Variants in C1orf116 observed in about 807,000 individuals in gnomAD.
C1orf116 encodes the protein specifically androgen-regulated gene protein.
Under a neutral mutation model 14.1 loss-of-function variants are expected in C1orf116, and 12 were observed. The ratio of observed to expected loss-of-function variants is 0.85; its 90% CI spans 0.54 to 1.38. The LOEUF (loss-of-function observed/expected upper bound fraction) is 1.38, where lower values mean the gene tolerates loss of function less well. C1orf116 is among the 40% of genes most tolerant of loss of function. C1orf116 has a pLI of 0.00. For missense variants in C1orf116, 797 were observed against 747.0 expected (o/e 1.07, Z -0.78); for synonymous variants, 296 against 299.0 (o/e 0.99, Z 0.10).
intron 2 of C1orf116, among the ~76,000 whole-genome samples, chr1:207,027,119 G>T (rs1449605357): frequency 6.6e-6 from 1 of 152,166 alleles, no homozygotes; most frequent in South Asian, 2.1e-4. Context: ...TTTGATCTTT[G>T]TAAGAGACTA....
At chr1:207,027,713 C>T (rs187564060) in intron 1 of C1orf116, 34 bp from the exon 2 acceptor site, 26 of 1,490,472 alleles carry the variant, frequency 1.7e-5, no homozygotes, top group Middle Eastern at 3.6e-4. Context: ...ACACATGAGC[C>T]GAGGCTTCGG....
chr1:207,032,394 T>C (rs1223061051), intron 1 of C1orf116, among the ~76,000 whole-genome samples, 185 bp downstream of exon 1: 2 of 152,130 alleles, frequency 1.3e-5, no homozygotes, highest in African/African-American at 2.4e-5. Context: ...ACAAAAACAC[T>C]ACAATCTCAA....
intron 1 of C1orf116, among the ~76,000 whole-genome samples, chr1:207,032,208 C>T (rs1055651548): frequency 6.6e-6 from 1 of 152,216 alleles, no homozygotes; most frequent in Non-Finnish European, 1.5e-5. Flanking sequence ...TACTCTCCCC[C>T]ATTTTGACTC....
intron 1 of C1orf116, among the ~76,000 whole-genome samples, chr1:207,028,611 T>C (rs1682152398): frequency 6.6e-6 from 1 of 152,192 alleles, no homozygotes; most frequent in Admixed American, 6.5e-5. Flanking sequence ...AAGAGAAATG[T>C]CCCATGTAGC....
Position 207,022,727 on chromosome 1 carries a change from GCTTTT to G in C1orf116, c.1032_1036del (p.Arg344SerfsTer3). 1.2e-6 allele frequency: 2 copies of G among 1,614,162 alleles called. No homozygotes were observed. The highest frequency in any genetic ancestry group is 1.1e-5 in the South Asian group (1 of 91,088). Reference sequence around the variant, plus strand: ...CAGCTTCTCTAGAGCTTCTTTACGTGCTTTTCTCTGCTCTTGCAGTGAACAGGAGA... The same window carrying G: ...CAGCTTCTCTAGAGCTTCTTTACGTGCTCTGCTCTTGCAGTGAACAGGAGA... On this transcript the variant is annotated frameshift_variant, in exon 4 of 4. Coordinates refer to ENST00000359470, the MANE Select transcript of C1orf116 (RefSeq NM_023938.6). LOFTEE classifies it low-confidence loss of function (END_TRUNC).
Position 207,020,605 on chromosome 1 carries a change from C to T in C1orf116, c.*1353G>A, listed in dbSNP as rs753476226. The T allele has an allele frequency of 3.9e-5, 6 of 152,126 alleles. No homozygotes were observed. The highest frequency in any genetic ancestry group is 7.2e-5 in the African/African-American group (3 of 41,428). The allele number at this position is 152,126 out of a possible 1,614,324, so 9.4% of individuals were successfully genotyped here. A position where few individuals can be genotyped will look rare whatever the true frequency, so the allele number is the denominator to read the frequency against. The stretch of plus-strand genomic sequence containing the variant: ...TTGCTCAAGCTGCACAACTTGGTCA[C>T]GGAATTTGAGGGGAGAGGTGTTCTG... On this transcript the variant is annotated 3_prime_UTR_variant, in exon 4 of 4. Coordinates refer to ENST00000359470, the MANE Select transcript of C1orf116 (RefSeq NM_023938.6).
chr1:207,024,851 T>A (rs1682021852), intron 3 of C1orf116, 36 bp downstream of exon 3: 1 of 1,592,672 alleles, frequency 6.3e-7, no homozygotes, highest in African/African-American at 1.3e-5. Context: ...ATTTTCTGGG[T>A]TTTGCTGGGG....
chr1:207,021,194 C>G lies in C1orf116; in HGVS notation c.*764G>C, dbSNP rs1476852663. ...GGAGTAGCAGAGTCAGGGACGACAGCACAGTTGGTGATTGAATTTATCAAG... is the reference window on the plus strand; with the variant it reads ...GGAGTAGCAGAGTCAGGGACGACAGGACAGTTGGTGATTGAATTTATCAAG... On this transcript the variant is annotated 3_prime_UTR_variant, in exon 4 of 4. Coordinates refer to ENST00000359470, the MANE Select transcript of C1orf116 (RefSeq NM_023938.6). 1.3e-5 allele frequency: 2 copies of G among 152,594 alleles called. No homozygotes were observed. The highest frequency in any genetic ancestry group is 6.5e-5 in the Admixed American group (1 of 15,278). The allele number at this position is 152,594 out of a possible 1,614,324, so 9.5% of individuals were successfully genotyped here.
At chr1:207,024,761 G>A (rs901640828) in intron 3 of C1orf116, 126 bp downstream of exon 3, 2 of 1,203,336 alleles carry the variant, frequency 1.7e-6, no homozygotes, top group Non-Finnish European at 2.4e-6. Context: ...GTGGTGAGGA[G>A]TGTGGCTACA....
rs188159919 is a variant in C1orf116 at position 207,021,426 on chromosome 1, C to T, written c.*532G>A. The T allele has an allele frequency of 6.6e-6, 1 of 152,588 alleles. No individual in the cohort carries two copies. The highest frequency in any genetic ancestry group is 2.4e-5 in the African/African-American group (1 of 41,412). 9.5% of individuals were successfully genotyped at this position (152,588 alleles called of 1,614,324 possible). A position where few individuals can be genotyped will look rare whatever the true frequency, so the allele number is the denominator to read the frequency against. On this transcript the variant is annotated 3_prime_UTR_variant, in exon 4 of 4. Coordinates refer to ENST00000359470, the MANE Select transcript of C1orf116 (RefSeq NM_023938.6). The stretch of plus-strand genomic sequence containing the variant: ...CAGCTCCTCTTAGCCCAGGCCTTGT[C>T]CAGAAGGCTGGAACTGAGAGAGGGA...
rs569182689 is a variant in C1orf116 at position 207,021,277 on chromosome 1, C to A, written c.*681G>T. On this transcript the variant is annotated 3_prime_UTR_variant, in exon 4 of 4. Coordinates refer to ENST00000359470, the MANE Select transcript of C1orf116 (RefSeq NM_023938.6). ...GTGGCATAAATATGTGGTCACTTAT[C>A]CTGCCTTCTCAGACCAACAAGAGCT... 1 of 152,616 alleles carries A rather than the reference C, an allele frequency of 6.6e-6. No individual in the cohort carries two copies. The highest frequency in any genetic ancestry group is 2.4e-5 in the African/African-American group (1 of 41,436). The allele number at this position is 152,616 out of a possible 1,614,324, so 9.5% of individuals were successfully genotyped here.
chr1:207,032,180 C>G (rs533371115), intron 1 of C1orf116, among the ~76,000 whole-genome samples: 1 of 152,274 alleles, frequency 6.6e-6, no homozygotes, highest in South Asian at 2.1e-4. Flanking sequence ...CTGTTACAGT[C>G]GCTATGGAAA....
At position 207,020,560 on chromosome 1, in the gene C1orf116, A is replaced by G. The variant is rs1420863475; in HGVS notation, c.*1398T>C. On this transcript the variant is annotated 3_prime_UTR_variant, in exon 4 of 4. Coordinates refer to ENST00000359470, the MANE Select transcript of C1orf116 (RefSeq NM_023938.6). ...ATTTGCAAGCCCACACCACCCACCC[A>G]TAATACCCTCTTTCGGCATTTGCTC... 2 of 152,098 alleles carry G rather than the reference A, an allele frequency of 1.3e-5. No homozygotes were observed. Among genetic ancestry groups the G allele is most frequent in the East Asian group, 1.9e-4 (1 of 5,186 alleles). The allele number at this position is 152,098 out of a possible 1,614,324, so 9.4% of individuals were successfully genotyped here.
At chr1:207,030,127 A>G (rs1446375035) in intron 1 of C1orf116, among the ~76,000 whole-genome samples, 3 of 152,256 alleles carry the variant, frequency 2.0e-5, no homozygotes, top group Non-Finnish European at 4.4e-5. Context: ...ACAGCATGCC[A>G]TAGCTTGCAA....
In C1orf116 at chr1:207,018,576, G is replaced by C. The variant is rs1246780297; in HGVS notation, c.*3382C>G. 6.6e-6 allele frequency: 1 copy of C among 152,178 alleles called. No individual in the cohort carries two copies. The allele number at this position is 152,178 out of a possible 1,614,324, so 9.4% of individuals were successfully genotyped here. On this transcript the variant is annotated 3_prime_UTR_variant, in exon 4 of 4. Transcript: ENST00000359470. ...CTGTGGCCAGAACTAAGCTTTACAT[G>C]TTTTATATCACTTATTTATCTCAAC... is the stretch of plus-strand genomic sequence containing the variant.
At position 207,027,339 on chromosome 1, in the gene C1orf116, G is replaced by A. The variant is rs183889054; in HGVS notation, c.105+155C>T. On this transcript the variant is annotated intron_variant, in intron 2 of 3. Transcript: ENST00000359470. ...TCTCTATAGAGCCAGGGCTGACTCA[G>A]GCAGAAAGCACCCACTGGTGTTGTG... Among the ~76,000 whole-genome samples, 633 of 152,276 alleles carry A rather than the reference G, an allele frequency of 4.2e-3. 2 individuals are homozygous for A. Among genetic ancestry groups the A allele is most frequent in the Middle Eastern group, 0.024 (7 of 294 alleles).
At chr1:207,026,102 G>A (rs570822200) in intron 2 of C1orf116, among the ~76,000 whole-genome samples, 84 of 152,260 alleles carry the variant, frequency 5.5e-4, no homozygotes, top group Non-Finnish European at 7.2e-4. Flanking sequence ...TAATATTTGG[G>A]ACACTTCAGA....
At chr1:207,027,432 G>C in intron 2 of C1orf116, 62 bp downstream of exon 2, 4 of 1,596,638 alleles carry the variant, frequency 2.5e-6, no homozygotes, top group Non-Finnish European at 3.4e-6. Flanking sequence ...GGATAGGGCA[G>C]GGCAGGGCAG....
chr1:207,028,288 G>T (rs1008242111), intron 1 of C1orf116, among the ~76,000 whole-genome samples: 1 of 152,124 alleles, frequency 6.6e-6, no homozygotes, highest in Non-Finnish European at 1.5e-5. Flanking sequence ...GAAGGGTTCT[G>T]GTTTGATGGG....
Sources: allele counts gnomAD v4.1 joint callset (sites outside exome capture counted in the v4.1 genomes callset), GRCh38; gene constraint gnomAD v4.1.1; transcripts MANE v1.5; gene names NCBI Gene and HGNC (gene_info 2026-07-23, HGNC 2026-07-21).